Variants in HNRNPH2 observed in about 807,000 individuals in gnomAD.
HNRNPH2 encodes the protein heterogeneous nuclear ribonucleoprotein H2.
For synonymous variants in HNRNPH2, 128 were observed against 128.2 expected (o/e 1.00, Z 0.01); for missense variants, 115 against 352.9 (o/e 0.33, Z 5.40).
Position 101,413,396 on chromosome X carries a change from TTGAATAG to T in HNRNPH2, c.*59_*65del. 1.0e-6 allele frequency: 1 copy of T among 954,759 alleles called. No individual in the cohort carries two copies. The highest frequency in any genetic ancestry group is 1.4e-6 in the Non-Finnish European group (1 of 692,302). 78.7% of individuals were successfully genotyped at this position (954,759 alleles called of 1,213,427 possible). A position where few individuals can be genotyped will look rare whatever the true frequency, so the allele number is the denominator to read the frequency against. On this transcript the variant is annotated 3_prime_UTR_variant, in exon 2 of 2. Coordinates refer to ENST00000316594, the MANE Select transcript of HNRNPH2 (RefSeq NM_019597.5). Reference sequence around the variant, plus strand: ...TATAAAAGCTGTACATTTGTGGGAGTTGAATAGAATGGGAGGGATGTTTAGTATATCC... The same window carrying T: ...TATAAAAGCTGTACATTTGTGGGAGTAATGGGAGGGATGTTTAGTATATCC...
At position 101,413,811 on chromosome X, in the gene HNRNPH2, G is replaced by A. The variant is rs1928880342; in HGVS notation, c.*473G>A. 1 of 124,378 alleles carries A rather than the reference G, an allele frequency of 8.0e-6. No individual in the cohort carries two copies. Among genetic ancestry groups the A allele is most frequent in the Non-Finnish European group, 1.9e-5 (1 of 53,877 alleles). 10.3% of individuals were successfully genotyped at this position (124,378 alleles called of 1,213,427 possible). ...CACAAATACATTGAAAACTTCGGAT[G>A]CATGTTGAGAAACATGCCTTTCTGT... On this transcript the variant is annotated 3_prime_UTR_variant, in exon 2 of 2. Coordinates refer to ENST00000316594, the MANE Select transcript of HNRNPH2 (RefSeq NM_019597.5).
intron 1 of HNRNPH2, 24 bp from the exon 2 acceptor site, chrX:101,411,912 T>G: frequency 8.8e-7 from 1 of 1,130,850 alleles, no homozygotes; most frequent in Non-Finnish European, 1.2e-6. Context: ...TCCATGACAG[T>G]AGTCTTCTTT....
In HNRNPH2 at chrX:101,412,778, C is replaced by G. The variant is rs1251067437; in HGVS notation, c.790C>G (p.Leu264Val). 1 of 1,207,578 alleles carries G rather than the reference C, an allele frequency of 8.3e-7. No homozygotes were observed. The highest frequency in any genetic ancestry group is 1.1e-6 in the Non-Finnish European group (1 of 893,406). ...GFGSDRFGRD[L>V]NYCFSGMSDH... is the part of the protein sequence containing the mutation. ...TGGGTCTGATAGATTTGGAAGAGAC[C>G]TCAATTACTGTTTTTCAGGAATGTC... Residue 264 changes from leucine to valine, a missense_variant, in exon 2 of 2, where the codon CTC (leucine) becomes GTC (valine). Transcript: ENST00000316594.
Position 101,413,377 on chromosome X carries a change from A to G in HNRNPH2, c.*39A>G, listed in dbSNP as rs1603053092. 9.2e-7 allele frequency: 1 copy of G among 1,090,980 alleles called. No homozygotes were observed. Among genetic ancestry groups the G allele is most frequent in the African/African-American group, 1.8e-5 (1 of 54,353 alleles). 89.9% of individuals were successfully genotyped at this position (1,090,980 alleles called of 1,213,427 possible). On this transcript the variant is annotated 3_prime_UTR_variant, in exon 2 of 2. Coordinates refer to ENST00000316594, the MANE Select transcript of HNRNPH2 (RefSeq NM_019597.5). ...ACTAAATAGCTACTCCAGATATAAA[A>G]GCTGTACATTTGTGGGAGTTGAATA...
chrX:101,412,316 G>A lies in HNRNPH2; in HGVS notation c.328G>A (p.Asp110Asn). 1 of 1,211,250 alleles carries A rather than the reference G, an allele frequency of 8.3e-7. No individual in the cohort carries two copies. Among genetic ancestry groups the A allele is most frequent in the Non-Finnish European group, 1.1e-6 (1 of 895,053 alleles). Reference sequence around the variant, plus strand: ...TCCGAATAGCCCTGATACTGCCAACGATGGCTTCGTCCGGCTTAGAGGACT... The same window carrying A: ...TCCGAATAGCCCTGATACTGCCAACAATGGCTTCGTCCGGCTTAGAGGACT... ...TGPNSPDTAN[D>N]GFVRLRGLPF... The change falls in exon 2 of 2, where the codon GAT becomes AAT. Residue 110 changes from aspartate to asparagine, a missense_variant. Transcript: ENST00000316594.
intron 1 of HNRNPH2, among the ~76,000 whole-genome samples, chrX:101,409,444 G>GCAAA (rs782008247): frequency 2.1e-4 from 24 of 111,993 alleles, no homozygotes; most frequent in African/African-American, 6.8e-4. Context: ...TCCCAGAAAT[G>GCAAA]CAAACATTTT....
At chrX:101,408,669 A>G (rs1211683749) in intron 1 of HNRNPH2, among the ~76,000 whole-genome samples, 2 of 111,178 alleles carry the variant, frequency 1.8e-5, no homozygotes, top group Non-Finnish European at 3.8e-5. Flanking sequence ...CCATTCAGGC[A>G]CTCAGTCTCC....
chrX:101,409,471 C>CT (rs782136987), intron 1 of HNRNPH2, among the ~76,000 whole-genome samples: 27 of 112,088 alleles, frequency 2.4e-4, no homozygotes, highest in Admixed American at 2.0e-3. Context: ...TTTTATGTTA[C>CT]TTTTTTTGCT....
rs372055912 is a variant in HNRNPH2, at chrX:101,411,919, CTT to C, written c.-53-5_-53-4del. 4.3e-4 allele frequency: 396 copies of C among 911,484 alleles called. No homozygotes were observed. The highest frequency in any genetic ancestry group is 1.3e-3 in the Admixed American group (34 of 27,116). 75.1% of individuals were successfully genotyped at this position (911,484 alleles called of 1,213,427 possible). ...AGCATTTTTCCATGACAGTAGTCTT[CTT>C]TTTTTTTTTTTCAGCTACACCAAAA... On this transcript the variant is annotated splice_polypyrimidine_tract_variant and intron_variant, in intron 1 of 1. Transcript: ENST00000316594.
chrX:101,410,771 A>G (rs1928763516), intron 1 of HNRNPH2, among the ~76,000 whole-genome samples: 2 of 111,574 alleles, frequency 1.8e-5, no homozygotes, highest in Non-Finnish European at 3.8e-5. Flanking sequence ...CCCCGGTTTA[A>G]AAGTCTTAAA....
intron 1 of HNRNPH2, among the ~76,000 whole-genome samples, chrX:101,408,531 A>T (rs782032225): frequency 6.5e-5 from 7 of 107,531 alleles, no homozygotes; most frequent in African/African-American, 2.4e-4. Context: ...GTGTTTTTGT[A>T]TATCTGTCTG....
chrX:101,412,180 A>C lies in HNRNPH2; in HGVS notation c.192A>C (p.Glu64Asp), dbSNP rs1555988336. 1 of 1,211,836 alleles carries C rather than the reference A, an allele frequency of 8.3e-7. No homozygotes were observed. Among genetic ancestry groups the C allele is most frequent in the Non-Finnish European group, 1.1e-6 (1 of 895,199 alleles). ...SGEAFVELES[E>D]EEVKLALKKD... The stretch of plus-strand genomic sequence containing the variant: ...AAGCATTTGTTGAACTTGAATCTGA[A>C]GAGGAAGTGAAATTGGCTTTGAAGA... Residue 64 changes from glutamate (E) to aspartate (D), a missense_variant, in exon 2 of 2, where the codon GAA becomes GAC. Transcript: ENST00000316594.
chrX:101,412,759 T>C lies in HNRNPH2; in HGVS notation c.771T>C (p.Ser257=). Residue 257 remains serine, a synonymous_variant, in exon 2 of 2, where the codon TCT becomes TCC. Coordinates refer to ENST00000316594, the MANE Select transcript of HNRNPH2 (RefSeq NM_019597.5). ...ATAATGATGGATATGGCTTTGGGTC[T>C]GATAGATTTGGAAGAGACCTCAATT... is the stretch of plus-strand genomic sequence containing the variant. The part of the protein sequence containing the change: ...GGYNDGYGFG[S]DRFGRDLNYC... 1 of 1,210,257 alleles carries C rather than the reference T, an allele frequency of 8.3e-7. No individual in the cohort carries two copies. Among genetic ancestry groups the C allele is most frequent in the Non-Finnish European group, 1.1e-6 (1 of 894,169 alleles).
intron 1 of HNRNPH2, among the ~76,000 whole-genome samples, chrX:101,409,437 C>G (rs1555987691): frequency 8.9e-6 from 1 of 112,130 alleles, no homozygotes; most frequent in African/African-American, 3.2e-5. Context: ...TACCAAATCC[C>G]AGAAATGCAA....
chrX:101,413,477 CAGCTT>C lies in HNRNPH2; in HGVS notation c.*140_*144del. 6.2e-6 allele frequency: 3 copies of C among 482,043 alleles called. No homozygotes were observed. Among genetic ancestry groups the C allele is most frequent in the Non-Finnish European group, 6.7e-6 (2 of 299,665 alleles). 39.7% of individuals were successfully genotyped at this position (482,043 alleles called of 1,213,427 possible). A position where few individuals can be genotyped will look rare whatever the true frequency, so the allele number is the denominator to read the frequency against. ...ATAATTGATTCTGATCACTCTTGGT[CAGCTT>C]CTCTTTCTTTATCTTTCTTTCTCCT... On this transcript the variant is annotated 3_prime_UTR_variant, in exon 2 of 2. Transcript: ENST00000316594.
intron 1 of HNRNPH2, among the ~76,000 whole-genome samples, chrX:101,410,672 G>A (rs1382463243): frequency 1.8e-5 from 2 of 111,366 alleles, no homozygotes; most frequent in Non-Finnish European, 3.8e-5. Flanking sequence ...AATCTCCCTA[G>A]TTCCACGTCG....
chrX:101,408,622 A>G (rs1928650793), intron 1 of HNRNPH2, among the ~76,000 whole-genome samples: 1 of 110,945 alleles, frequency 9.0e-6, no homozygotes, highest in South Asian at 3.9e-4. Context: ...GTTAAGAAAA[A>G]CAGATACTGA....
At chrX:101,411,877 T>C in intron 1 of HNRNPH2, 59 bp from the exon 2 acceptor site, 1 of 1,099,336 alleles carries the variant, frequency 9.1e-7, no homozygotes, top group Non-Finnish European at 1.2e-6. Context: ...TTTGCTTTTT[T>C]CTCTTACTAT....
intron 1 of HNRNPH2, among the ~76,000 whole-genome samples, chrX:101,409,160 A>G (rs1311131185): frequency 9.0e-6 from 1 of 111,026 alleles, no homozygotes; most frequent in Non-Finnish European, 1.9e-5. Flanking sequence ...AAAAAAAAAA[A>G]AAAATCCTGC....
Sources: allele counts gnomAD v4.1 joint callset (sites outside exome capture counted in the v4.1 genomes callset), GRCh38; gene constraint gnomAD v4.1.1; transcripts MANE v1.5; gene names NCBI Gene and HGNC (gene_info 2026-07-23, HGNC 2026-07-21).